Variants in NCF4 observed in about 807,000 individuals in gnomAD.
NCF4 encodes neutrophil cytosolic factor 4.
In NCF4, 30 loss-of-function variants were observed where a neutral mutation model predicts 41.7. That is an observed-to-expected ratio of 0.72 (90% CI 0.54 to 0.97). The LOEUF is 0.97. Ranked by LOEUF, NCF4 falls within the 50% of genes least tolerant of loss-of-function variation. NCF4 has a pLI of 0.00. For missense variants in NCF4, 432 were observed against 460.9 expected (o/e 0.94, Z 0.57); for synonymous variants, 195 against 175.8 (o/e 1.11, Z -0.87).
chr22:36,876,188 T>C, intron 9 of NCF4, 94 bp downstream of exon 9: 2 of 1,250,778 alleles, frequency 1.6e-6, no homozygotes, highest in Non-Finnish European at 2.2e-6. Flanking sequence ...TGCTGGGGTT[T>C]TGCGTGTACT....
rs139289225 is a variant in NCF4 at position 36,864,063 on chromosome 22, G to A, written c.51G>A (p.Pro17=). 32 of 1,614,036 alleles carry A rather than the reference G, an allele frequency of 2.0e-5. No individual in the cohort carries two copies. Among genetic ancestry groups the A allele is most frequent in the East Asian group, 4.5e-5 (2 of 44,900 alleles). The change falls in exon 2 of 10, where the codon CCG becomes CCA. Residue 17 remains proline (P), a synonymous_variant. Transcript: ENST00000248899. ...LRAESDFEQL[P]DDVAISANIA... ...CGCACAGTGACTTTGAACAGCTTCCGGATGATGTTGCCATCTCGGCCAACA... is the reference window on the plus strand; with the variant it reads ...CGCACAGTGACTTTGAACAGCTTCCAGATGATGTTGCCATCTCGGCCAACA...
chr22:36,872,081 T>A, intron 6 of NCF4: 1 of 704,860 alleles, frequency 1.4e-6, no homozygotes, highest in South Asian at 1.5e-5. Context: ...CCCAGAGAGT[T>A]CGAACCCTTC....
intron 3 of NCF4, 51 bp from the exon 4 acceptor site, chr22:36,867,341 C>T: frequency 6.2e-7 from 1 of 1,604,554 alleles, no homozygotes; most frequent in East Asian, 2.2e-5. Context: ...GCCCTGAGCC[C>T]CGGGGCCATG....
intron 4 of NCF4, among the ~76,000 whole-genome samples, chr22:36,868,886 C>T (rs1939990499): frequency 6.6e-6 from 1 of 152,162 alleles, no homozygotes; most frequent in Non-Finnish European, 1.5e-5. Flanking sequence ...GAGCTCACTA[C>T]CACTCCGCCC....
intron 1 of NCF4, 97 bp from the exon 2 acceptor site, chr22:36,863,948 A>G: frequency 8.6e-7 from 1 of 1,160,350 alleles, no homozygotes; most frequent in South Asian, 1.2e-5. Flanking sequence ...TGTTGGCTTC[A>G]CAACATTAGT....
intron 4 of NCF4, among the ~76,000 whole-genome samples, chr22:36,868,705 G>T (rs1475031476): frequency 1.3e-5 from 2 of 152,124 alleles, no homozygotes; most frequent in Non-Finnish European, 2.9e-5. Context: ...AGGAGGCGAG[G>T]CTGGGGAACT....
At chr22:36,871,779 C>A in intron 6 of NCF4, 70 bp downstream of exon 6, 2 of 1,483,772 alleles carry the variant, frequency 1.3e-6, no homozygotes, top group Middle Eastern at 1.8e-4. Flanking sequence ...CTGCCAGCCA[C>A]TGGGCCTCTC....
At chr22:36,863,437 G>A (rs1007688712) in intron 1 of NCF4, among the ~76,000 whole-genome samples, 32 of 150,920 alleles carry the variant, frequency 2.1e-4, no homozygotes, top group Non-Finnish European at 4.0e-4. Context: ...TGTCTGTCCT[G>A]CTTGACTCCT....
At chr22:36,864,175 A>C (rs567565252) in intron 2 of NCF4, 46 bp downstream of exon 2, 4 of 1,479,896 alleles carry the variant, frequency 2.7e-6, no homozygotes, top group Admixed American at 1.7e-5. Flanking sequence ...CTGAACTTCC[A>C]CCCAGCTGAC....
chr22:36,861,345 T>C lies in NCF4; in HGVS notation c.32+142T>C, dbSNP rs1004138231. 10 of 1,090,402 alleles carry C rather than the reference T, an allele frequency of 9.2e-6. No homozygotes were observed. In the East Asian group the frequency reaches 2.6e-4, roughly 28 times the overall value. The allele number at this position is 1,090,402 out of a possible 1,614,324, so 67.5% of individuals were successfully genotyped here. ...AACCCAAATACTCAGAAATGCAACC[T>C]CTCAGAACTGCTTTAACGAAACTTT... is the stretch of plus-strand genomic sequence containing the variant. On this transcript the variant is annotated intron_variant, in intron 1 of 9. Coordinates refer to ENST00000248899, the MANE Select transcript of NCF4 (RefSeq NM_000631.5).
In NCF4 at chr22:36,871,663, C is replaced by G; in HGVS notation, c.482C>G (p.Ser161Cys). The change falls in exon 6 of 10, where the codon TCC becomes TGC. Residue 161 changes from serine (S) to cysteine (C), a missense_variant. Physicochemically the swap from Ser to Cys is moderately radical, Grantham distance 112. Transcript: ENST00000248899. The part of the protein sequence containing the change: ...RPRTRKVKSV[S>C]PQGNSVDRMA... The stretch of plus-strand genomic sequence containing the variant: ...TTCTCTCTCCACAGCAAGAGCGTGT[C>G]CCCACAGGGCAACAGCGTTGACCGC... 3 of 1,570,656 alleles carry G rather than the reference C, an allele frequency of 1.9e-6. No homozygotes were observed. The highest frequency in any genetic ancestry group is 2.6e-6 in the Non-Finnish European group (3 of 1,156,868).
intron 2 of NCF4, among the ~76,000 whole-genome samples, chr22:36,864,485 G>A (rs907405020): frequency 4.6e-5 from 7 of 152,100 alleles, no homozygotes; most frequent in East Asian, 1.9e-4. Flanking sequence ...CTGGAGAGTC[G>A]GGGGTGAGGG....
Position 36,865,505 on chromosome 22 carries a change from T to G in NCF4, c.271+433T>G, listed in dbSNP as rs1462678729. On this transcript the variant is annotated intron_variant, in intron 3 of 9. Coordinates refer to ENST00000248899, the MANE Select transcript of NCF4 (RefSeq NM_000631.5). The surrounding 1 kb of genome is among the most constrained non-coding windows in gnomAD (Gnocchi z 4.3). Reference sequence around the variant, plus strand: ...ATGGTCTTGGCTTCCAGCGTCCCTGTGGCTCTCCTTCTTCTCCTGTCCCGC... The same window carrying G: ...ATGGTCTTGGCTTCCAGCGTCCCTGGGGCTCTCCTTCTTCTCCTGTCCCGC... Among the ~76,000 whole-genome samples the G allele has an allele frequency of 6.6e-6, 1 of 152,178 alleles. No homozygotes were observed. The highest frequency in any genetic ancestry group is 2.4e-5 in the African/African-American group (1 of 41,436).
chr22:36,861,135 G>A lies in NCF4; in HGVS notation c.-37G>A, dbSNP rs34567417. On this transcript the variant is annotated 5_prime_UTR_variant, in exon 1 of 10. Coordinates refer to ENST00000248899, the MANE Select transcript of NCF4 (RefSeq NM_000631.5). ...GAACTCAGCCTGGGACTGGCTGGGC[G>A]AGACTCTCCACCTGCTCCCTGGGAC... The A allele has an allele frequency of 0.064, 99,138 of 1,550,882 alleles. 3,604 individuals are homozygous for A. The highest frequency in any genetic ancestry group is 0.091 in the South Asian group (7,678 of 84,036).
At position 36,870,433 on chromosome 22, in the gene NCF4, G is replaced by A. The variant is rs759148798; in HGVS notation, c.361G>A (p.Val121Ile). The A allele has an allele frequency of 2.4e-5, 38 of 1,613,888 alleles. No homozygotes were observed. Among genetic ancestry groups the A allele is most frequent in the Non-Finnish European group, 2.1e-5 (25 of 1,180,032 alleles). The change falls in exon 5 of 10, where the codon GTC becomes ATC. Residue 121 changes from valine (V) to isoleucine (I), a missense_variant. Val to Ile is a conservative substitution (Grantham distance 29, BLOSUM62 3). Transcript: ENST00000248899. ...AYMKSLLSLP[V>I]WVLMDEDVRI... ...CACACAGAGCCTGCTCAGCCTGCCG[G>A]TCTGGGTGCTGATGGATGAGGACGT...
chr22:36,866,018 A>G (rs556207103), intron 3 of NCF4, among the ~76,000 whole-genome samples: 74 of 151,422 alleles, frequency 4.9e-4, no homozygotes, highest in African/African-American at 1.8e-3. Context: ...TTGTATATTC[A>G]TCTTCCTCTT....
rs1338406421 is a variant in NCF4, at chr22:36,864,961, C to T, written c.160C>T (p.Leu54Phe). ...GAAGACAAAAGGAGGATCCAAGTAC[C>T]TCATCTACCGCCGCTACCGCCAGTT... ...EVKTKGGSKY[L>F]IYRRYRQFHA... Residue 54 changes from leucine (L) to phenylalanine (F), a missense_variant, in exon 3 of 10, where the codon CTC becomes TTC. Coordinates refer to ENST00000248899, the MANE Select transcript of NCF4 (RefSeq NM_000631.5). The T allele has an allele frequency of 6.2e-7, 1 of 1,614,084 alleles. No individual in the cohort carries two copies. The highest frequency in any genetic ancestry group is 1.1e-5 in the South Asian group (1 of 91,086).
intron 9 of NCF4, among the ~76,000 whole-genome samples, chr22:36,876,954 AG>A (rs1280555673): frequency 6.6e-6 from 1 of 152,080 alleles, no homozygotes; most frequent in African/African-American, 2.4e-5. Flanking sequence ...CACCCAGGCC[AG>A]ACAGTTCCTG....
rs779032981 is a variant in NCF4 at position 36,870,531 on chromosome 22, C to T, written c.459C>T (p.Arg153=). ...VPQALRRLRP[R]TRKVKSVSPQ... Reference sequence around the variant, plus strand: ...AGGCACTCCGCCGGCTCCGCCCGCGCACCCGGAAAGTGTAAGTGACCAGCC... The same window carrying T: ...AGGCACTCCGCCGGCTCCGCCCGCGTACCCGGAAAGTGTAAGTGACCAGCC... The change falls in exon 5 of 10, where the codon CGC becomes CGT. Residue 153 remains arginine (R), a synonymous_variant. Transcript: ENST00000248899. The T allele has an allele frequency of 8.1e-6, 13 of 1,612,232 alleles. No homozygotes were observed. The highest frequency in any genetic ancestry group is 6.7e-5 in the African/African-American group (5 of 74,950).
Sources: gnomAD v4.1 joint callset for allele counts (sites outside exome capture counted in the v4.1 genomes callset) on GRCh38, gnomAD v4.1.1 for gene constraint, Gnocchi (gnomAD v3.1) non-coding constraint, MANE v1.5 for transcripts, NCBI Gene and HGNC (gene_info 2026-07-23, HGNC 2026-07-21) for gene names.